BCAM: variants seen among roughly 807,000 people sequenced by gnomAD.
BCAM encodes basal cell adhesion molecule (Lutheran blood group).
A neutral mutation model predicts 72.4 loss-of-function variants in BCAM; 61 were observed. The ratio of observed to expected loss-of-function variants is 0.84; its 90% CI spans 0.69 to 1.04. The LOEUF (loss-of-function observed/expected upper bound fraction) is 1.04. Among genes scored for constraint, BCAM ranks in the 50% least tolerant of loss-of-function variants. The pLI is 0.00. For missense variants in BCAM, 909 were observed against 895.0 expected (o/e 1.02, Z -0.20); for synonymous variants, 408 against 384.2 (o/e 1.06, Z -0.73).
Position 44,813,185 on chromosome 19 carries a change from G to C in BCAM, c.505-65G>C, listed in dbSNP as rs1439168877. ...ATGAGTCTGAGTGGGGAGAACTCCTGAGAGAGGAGCCCCGACTTCAGAGTC... is the reference window on the plus strand; with the variant it reads ...ATGAGTCTGAGTGGGGAGAACTCCTCAGAGAGGAGCCCCGACTTCAGAGTC... On this transcript the variant is annotated intron_variant, in intron 4 of 14. Transcript: ENST00000270233. The surrounding 1 kb of genome is among the most constrained non-coding windows in gnomAD (Gnocchi z 4.2). 12 of 1,568,602 alleles carry C rather than the reference G, an allele frequency of 7.7e-6. No homozygotes were observed. The highest frequency in any genetic ancestry group is 5.2e-5 in the Admixed American group (3 of 57,746).
Position 44,813,562 on chromosome 19 carries a change from C to G in BCAM, c.726C>G (p.Ser242Arg). Reference protein sequence around the residue: ...DASFHCAAHYSLPEGRHGRLD... With the variant: ...DASFHCAAHYRLPEGRHGRLD... ...GCTTCCACTGCGCCGCCCACTACAGCCTGCCCGAGGGCCGCCACGGCCGCC... is the reference window on the plus strand; with the variant it reads ...GCTTCCACTGCGCCGCCCACTACAGGCTGCCCGAGGGCCGCCACGGCCGCC... The change falls in exon 6 of 15, where the codon AGC (serine) becomes AGG (arginine). Residue 242 changes from serine to arginine, a missense_variant. Transcript: ENST00000270233. The surrounding 1 kb of genome is among the most constrained non-coding windows in gnomAD (Gnocchi z 4.2). The G allele has an allele frequency of 6.2e-7, 1 of 1,612,688 alleles. No individual in the cohort carries two copies. The highest frequency in any genetic ancestry group is 8.5e-7 in the Non-Finnish European group (1 of 1,179,942).
Position 44,811,354 on chromosome 19 carries a change from C to A in BCAM, c.204+8C>A. The stretch of plus-strand genomic sequence containing the variant: ...ATGCTGGAATGGTTCCTTGTGAGTG[C>A]TTGGGGCTGGGGGGCCTGGAGTCAG... On this transcript the variant is annotated splice_region_variant and intron_variant, in intron 2 of 14. Coordinates refer to ENST00000270233, the MANE Select transcript of BCAM (RefSeq NM_005581.5). The A allele has an allele frequency of 6.2e-7, 1 of 1,606,190 alleles. No individual in the cohort carries two copies.
intron 2 of BCAM, 123 bp downstream of exon 2, chr19:44,811,469 T>TCC: frequency 1.3e-6 from 2 of 1,506,968 alleles, no homozygotes; most frequent in South Asian, 2.4e-5. Context: ...ACAGATGGGG[T>TCC]CACTGAGTCC....
intron 1 of BCAM, among the ~76,000 whole-genome samples, chr19:44,810,197 A>G (rs1968398646): frequency 6.6e-6 from 1 of 152,022 alleles, no homozygotes; most frequent in African/African-American, 2.4e-5. Context: ...TGGTTTTTCT[A>G]CAATAACTAC....
Position 44,819,731 on chromosome 19 carries a change from G to A in BCAM, c.1763+5G>A. 1 of 1,595,856 alleles carries A rather than the reference G, an allele frequency of 6.3e-7. No individual in the cohort carries two copies. Among genetic ancestry groups the A allele is most frequent in the Non-Finnish European group, 8.5e-7 (1 of 1,173,190 alleles). On this transcript the variant is annotated splice_donor_5th_base_variant and intron_variant, in intron 13 of 14. Transcript: ENST00000270233. ...GCGGCGGGAGAAGGGGGCTCCGTGA[G>A]TGGCCTGCTATCTGCAATGACCACC...
chr19:44,819,285 C>T, intron 11 of BCAM, 61 bp from the exon 12 acceptor site: 1 of 1,612,032 alleles, frequency 6.2e-7, no homozygotes, highest in Non-Finnish European at 8.5e-7. Context: ...ACGTCGTTCA[C>T]CTCTGCCCTT....
At position 44,814,331 on chromosome 19, in the gene BCAM, C is replaced by G; in HGVS notation, c.921+43C>G. 6.4e-7 allele frequency: 1 copy of G among 1,562,584 alleles called. No individual in the cohort carries two copies. Among genetic ancestry groups the G allele is most frequent in the African/African-American group, 1.4e-5 (1 of 72,474 alleles). ...CCCTCTGGGATCCACCCCCCAGCCC[C>G]TGACCTCTGTGACCTGCTAACCTGC... is the stretch of plus-strand genomic sequence containing the variant. On this transcript the variant is annotated intron_variant, in intron 7 of 14. Coordinates refer to ENST00000270233, the MANE Select transcript of BCAM (RefSeq NM_005581.5). The surrounding 1 kb of genome is among the most constrained non-coding windows in gnomAD (Gnocchi z 4.6).
In BCAM at chr19:44,809,136, G is replaced by C. The variant is rs1968382975; in HGVS notation, c.12G>C (p.Pro4=). 13 of 1,459,484 alleles carry C rather than the reference G, an allele frequency of 8.9e-6. No individual in the cohort carries two copies. The highest frequency in any genetic ancestry group is 1.2e-5 in the Non-Finnish European group (13 of 1,109,004). The allele number at this position is 1,459,484 out of a possible 1,614,324, so 90.4% of individuals were successfully genotyped here. A position where few individuals can be genotyped will look rare whatever the true frequency, so the allele number is the denominator to read the frequency against. The part of the protein sequence containing the change: MEP[P]DAPAQARGAP... Reference sequence around the variant, plus strand: ...CCGCCGCCGTGAACATGGAGCCCCCGGACGCACCGGCCCAGGCGCGCGGGG... The same window carrying C: ...CCGCCGCCGTGAACATGGAGCCCCCCGACGCACCGGCCCAGGCGCGCGGGG... The change falls in exon 1 of 15, where the codon CCG becomes CCC. Residue 4 remains proline (P), a synonymous_variant. Coordinates refer to ENST00000270233, the MANE Select transcript of BCAM (RefSeq NM_005581.5).
intron 8 of BCAM, among the ~76,000 whole-genome samples, chr19:44,815,396 G>A (rs753499733): frequency 1.3e-5 from 2 of 152,122 alleles, no homozygotes; most frequent in East Asian, 1.9e-4. Flanking sequence ...TAGACCCTGC[G>A]CCAGATGCTG....
Position 44,814,212 on chromosome 19 carries a change from G to C in BCAM, c.845G>C (p.Arg282Pro), listed in dbSNP as rs9967601. 1 of 1,585,780 alleles carries C rather than the reference G, an allele frequency of 6.3e-7. No individual in the cohort carries two copies. Among genetic ancestry groups the C allele is most frequent in the South Asian group, 1.1e-5 (1 of 88,194 alleles). ...GSPSTPAGWV[R>P]EGDTVQLLCR... Reference sequence around the variant, plus strand: ...CCGTCCACCCCAGCAGGCTGGGTACGCGAGGGTGACACTGTCCAGCTGCTC... The same window carrying C: ...CCGTCCACCCCAGCAGGCTGGGTACCCGAGGGTGACACTGTCCAGCTGCTC... The change falls in exon 7 of 15, where the codon CGC becomes CCC. Residue 282 changes from arginine to proline, a missense_variant. Coordinates refer to ENST00000270233, the MANE Select transcript of BCAM (RefSeq NM_005581.5). This position sits in a 1 kb window ranked among gnomAD's most constrained non-coding sequence, Gnocchi z 4.6.
Position 44,814,056 on chromosome 19 carries a change from T to C in BCAM, c.785-96T>C. On this transcript the variant is annotated intron_variant, in intron 6 of 14. Coordinates refer to ENST00000270233, the MANE Select transcript of BCAM (RefSeq NM_005581.5). This position sits in a 1 kb window ranked among gnomAD's most constrained non-coding sequence, Gnocchi z 4.6. ...ATGACCCGTAACCTTTGACCCGCCA[T>C]AGCCCTCACCTGGGATGCAGGGCTG... 1 of 1,423,092 alleles carries C rather than the reference T, an allele frequency of 7.0e-7. No individual in the cohort carries two copies. Among genetic ancestry groups the C allele is most frequent in the South Asian group, 1.4e-5 (1 of 70,250 alleles). The allele number at this position is 1,423,092 out of a possible 1,614,324, so 88.2% of individuals were successfully genotyped here. A position where few individuals can be genotyped will look rare whatever the true frequency, so the allele number is the denominator to read the frequency against.
In BCAM at chr19:44,820,756, G is replaced by A; in HGVS notation, c.1815G>A (p.Gln605=). Reference sequence around the variant, plus strand: ...ACTCGGGGTCGGAGCAACCAGAGCAGACCGGCCTTCTCATGGGAGGTGCCT... The same window carrying A: ...ACTCGGGGTCGGAGCAACCAGAGCAAACCGGCCTTCTCATGGGAGGTGCCT... ...LSHSGSEQPE[Q]TGLLMGGASG... is the part of the protein sequence containing the mutation. The change falls in exon 14 of 15, where the codon CAG becomes CAA. Residue 605 remains glutamine (Q), a synonymous_variant. Coordinates refer to ENST00000270233, the MANE Select transcript of BCAM (RefSeq NM_005581.5). The A allele has an allele frequency of 6.7e-7, 1 of 1,501,318 alleles. No individual in the cohort carries two copies. The highest frequency in any genetic ancestry group is 8.9e-7 in the Non-Finnish European group (1 of 1,120,436). The allele number at this position is 1,501,318 out of a possible 1,614,324, so 93.0% of individuals were successfully genotyped here.
chr19:44,819,183 G>A lies in BCAM; in HGVS notation c.1464G>A (p.Leu488=), dbSNP rs1294711371. 2 of 1,613,950 alleles carry A rather than the reference G, an allele frequency of 1.2e-6. No individual in the cohort carries two copies. The highest frequency in any genetic ancestry group is 1.7e-6 in the Non-Finnish European group (2 of 1,179,938). The change falls in exon 11 of 15, where the codon TTG becomes TTA. Residue 488 remains leucine (L), a synonymous_variant. Coordinates refer to ENST00000270233, the MANE Select transcript of BCAM (RefSeq NM_005581.5). ...HPDPKLSWSQ[L]GGSPAEPIPG... Reference sequence around the variant, plus strand: ...ACCCCAAACTCAGCTGGAGCCAATTGGGGGGCAGCGTAAGGGACCTTCCTC... The same window carrying A: ...ACCCCAAACTCAGCTGGAGCCAATTAGGGGGCAGCGTAAGGGACCTTCCTC...
chr19:44,809,084 CG>C, upstream of BCAM: 1 of 1,329,876 alleles, frequency 7.5e-7, no homozygotes. Flanking sequence ...CCGCAGCGGC[CG>C]AGCTGCAGCC....
rs918334589 is a variant in BCAM, at chr19:44,814,981, G to A, written c.1078+221G>A. Among the ~76,000 whole-genome samples the A allele has an allele frequency of 3.4e-5, 5 of 148,066 alleles. No individual in the cohort carries two copies. Among genetic ancestry groups the A allele is most frequent in the African/African-American group, 5.0e-5 (2 of 40,082 alleles). On this transcript the variant is annotated intron_variant, in intron 8 of 14. Coordinates refer to ENST00000270233, the MANE Select transcript of BCAM (RefSeq NM_005581.5). The surrounding 1 kb of genome is among the most constrained non-coding windows in gnomAD (Gnocchi z 4.6). ...CAGGCTGGTCTCGAACTCCTCATGC[G>A]ATCCTCCTGCCTTGCTCTCCCAAAG...
chr19:44,818,695 C>T lies in BCAM; in HGVS notation c.1195-46C>T. The T allele has an allele frequency of 5.0e-6, 8 of 1,612,726 alleles. No individual in the cohort carries two copies. The highest frequency in any genetic ancestry group is 2.2e-5 in the South Asian group (2 of 90,962). Reference sequence around the variant, plus strand: ...ACTCGCACCCTCCTCTCTCCCCTCACTCCTCGCCCTCTCACAGCGTCCTCC... The same window carrying T: ...ACTCGCACCCTCCTCTCTCCCCTCATTCCTCGCCCTCTCACAGCGTCCTCC... On this transcript the variant is annotated intron_variant, in intron 9 of 14. Transcript: ENST00000270233. This position sits in a 1 kb window ranked among gnomAD's most constrained non-coding sequence, Gnocchi z 4.6.
At chr19:44,815,993 CAGAG>C (rs1968499155) in intron 8 of BCAM, among the ~76,000 whole-genome samples, 1 of 152,054 alleles carries the variant, frequency 6.6e-6, no homozygotes, top group African/African-American at 2.4e-5. Context: ...GCCTGAGCGA[CAGAG>C]AAAGACCCCG....
intron 13 of BCAM, chr19:44,820,428 C>G: frequency 1.7e-6 from 2 of 1,206,488 alleles, no homozygotes; most frequent in Non-Finnish European, 2.1e-6. Flanking sequence ...TGGCCGTCCT[C>G]ACCTCCAATC....
chr19:44,809,324 G>A (rs1968386788), intron 1 of BCAM, 118 bp downstream of exon 1: 4 of 815,228 alleles, frequency 4.9e-6, no homozygotes. Flanking sequence ...ACCCCAAGGA[G>A]GAGGGATATG....
Sources: allele counts gnomAD v4.1 joint callset (sites outside exome capture counted in the v4.1 genomes callset), GRCh38; gene constraint gnomAD v4.1.1; non-coding constraint Gnocchi (gnomAD v3.1); transcripts MANE v1.5; gene names NCBI Gene and HGNC (gene_info 2026-07-23, HGNC 2026-07-21).